The following KCNMA1 variants were observed in gnomAD, a reference collection of about 807,000 sequenced individuals.
The protein encoded by KCNMA1 is Calcium-activated potassium channel subunit alpha-1.
A neutral mutation model predicts 140.0 loss-of-function variants in KCNMA1; 29 were observed. The observed-to-expected ratio is 0.21, with a 90% CI of 0.15 to 0.28. KCNMA1 has a LOEUF of 0.28. Among genes scored for constraint, KCNMA1 ranks in the 10% least tolerant of loss-of-function variants. KCNMA1 has a pLI of 1.00. For synonymous variants in KCNMA1, 612 were observed against 611.9 expected, an observed-to-expected ratio of 1.00 and a Z score of 0.00; for missense variants, 880 against 1,602.2, an observed-to-expected ratio of 0.55 and a Z score of 7.70.
chr10:77,614,866 C>A (rs1036129693), intron 1 of KCNMA1, among the ~76,000 whole-genome samples: 4 of 152,202 alleles, frequency 2.6e-5, no homozygotes, highest in African/African-American at 9.6e-5. Context: ...CTCTTCATAA[C>A]CTGGCCCAGG....
rs144635907 is a variant in KCNMA1, at chr10:77,027,467, C to T, written c.1928+356G>A. Among the ~76,000 whole-genome samples the T allele has an allele frequency of 3.6e-3, 547 of 152,264 alleles. 14 individuals carry two copies. Among genetic ancestry groups the T allele is most frequent in the East Asian group, 0.026 (136 of 5,158 alleles). On this transcript the variant is annotated intron_variant, in intron 16 of 27. Coordinates refer to ENST00000286628, the MANE Select transcript of KCNMA1 (RefSeq NM_001161352.2). ...GGCTGCTGTAAAGGAGGCCAGAGTC[C>T]ACCTGCTTTTTTGCTCACAGCAGTA...
intron 25 of KCNMA1, among the ~76,000 whole-genome samples, 163 bp from the exon 26 acceptor site, chr10:76,891,882 A>G (rs1367430888): frequency 6.6e-6 from 1 of 152,134 alleles, no homozygotes; most frequent in Non-Finnish European, 1.5e-5. Context: ...GCAGCCTCCA[A>G]TTATTCCGTT....
At chr10:76,884,662 C>T (rs1004974621), downstream of KCNMA1, 4 of 241,826 alleles carry the variant, frequency 1.7e-5, no homozygotes, top group African/African-American at 9.0e-5. Flanking sequence ...AATTACCCAA[C>T]CCCACACCCA....
At chr10:77,393,720 C>T (rs939530647) in intron 2 of KCNMA1, among the ~76,000 whole-genome samples, 5 of 152,234 alleles carry the variant, frequency 3.3e-5, no homozygotes, top group African/African-American at 1.2e-4. Context: ...ATGGGCTCCA[C>T]CCATCCTCCT....
At chr10:77,132,522 AT>A (rs34605286) in intron 5 of KCNMA1, among the ~76,000 whole-genome samples, 4,227 of 138,346 alleles carry the variant, frequency 0.031, 148 homozygotes, top group East Asian at 0.14. Flanking sequence ...AGCAGGTTAA[AT>A]TTTTTTTTTT....
chr10:77,103,242 A>G (rs1262988186), intron 9 of KCNMA1, among the ~76,000 whole-genome samples: 2 of 152,244 alleles, frequency 1.3e-5, no homozygotes, highest in African/African-American at 4.8e-5. Context: ...ATCTCTCTGA[A>G]TGTAAGGCTC....
chr10:77,457,676 C>T (rs1448766145), intron 1 of KCNMA1, among the ~76,000 whole-genome samples: 2 of 152,070 alleles, frequency 1.3e-5, no homozygotes, highest in Admixed American at 1.3e-4. Flanking sequence ...TTGGCATGAA[C>T]TCTGGGTTTC....
At chr10:76,869,976 C>G (rs1225368582) in exon 28 of KCNMA1, 1 of 152,554 alleles carries the variant, frequency 6.6e-6, no homozygotes, top group Non-Finnish European at 1.5e-5. Context: ...TTTTCAACAT[C>G]TGGGTGGTGG....
intron 1 of KCNMA1, among the ~76,000 whole-genome samples, chr10:77,550,530 A>G (rs976878733): frequency 6.6e-6 from 1 of 152,164 alleles, no homozygotes; most frequent in African/African-American, 2.4e-5. Context: ...TGCCTGTCTC[A>G]GCTTTGTGAT....
intron 23 of KCNMA1, among the ~76,000 whole-genome samples, chr10:76,918,187 A>G (rs1052803179): frequency 1.3e-5 from 2 of 152,206 alleles, no homozygotes; most frequent in Admixed American, 6.5e-5. Flanking sequence ...CCAGAGATCT[A>G]CAGCTAGAGA....
At chr10:77,426,742 A>G (rs2097006914) in intron 1 of KCNMA1, among the ~76,000 whole-genome samples, 1 of 152,204 alleles carries the variant, frequency 6.6e-6, no homozygotes, top group South Asian at 2.1e-4. Context: ...ACTTGCCAGG[A>G]CTTGCTGTGC....
intron 14 of KCNMA1, chr10:77,063,967 G>A (rs1434733549): frequency 6.1e-6 from 6 of 985,264 alleles, no homozygotes; most frequent in Middle Eastern, 5.2e-4. Context: ...GAAGGGCCAG[G>A]GTGAGTGTCA....
At chr10:77,339,112 C>A (rs1002952410) in intron 2 of KCNMA1, among the ~76,000 whole-genome samples, 16 of 151,250 alleles carry the variant, frequency 1.1e-4, no homozygotes, top group African/African-American at 3.7e-4. Flanking sequence ...GTATTAAAAT[C>A]TCATGGGGAG....
chr10:77,546,851 T>G (rs959218874), intron 1 of KCNMA1, among the ~76,000 whole-genome samples: 20 of 152,316 alleles, frequency 1.3e-4, no homozygotes, highest in African/African-American at 3.8e-4. Context: ...CTAGGCTACC[T>G]ACTATGTGTC....
At chr10:77,581,101 G>A (rs1374860440) in intron 1 of KCNMA1, among the ~76,000 whole-genome samples, 3 of 152,072 alleles carry the variant, frequency 2.0e-5, no homozygotes, top group African/African-American at 7.2e-5. Flanking sequence ...TTCGCATTCT[G>A]CACAGGACCC....
At chr10:77,277,680 G>A (rs376942284) in intron 2 of KCNMA1, among the ~76,000 whole-genome samples, 2 of 152,150 alleles carry the variant, frequency 1.3e-5, no homozygotes, top group Admixed American at 6.5e-5. Context: ...CATCAAAGTC[G>A]ATGCAACAGA....
chr10:77,577,238 G>A (rs766191965), intron 1 of KCNMA1, among the ~76,000 whole-genome samples: 15 of 151,646 alleles, frequency 9.9e-5, no homozygotes, highest in Admixed American at 3.9e-4. Context: ...TAGTAGAGAC[G>A]GGGGTTTCAC....
At chr10:76,920,020 G>GTGTGTGTGTGTGTGTATATA (rs1177257916) in intron 23 of KCNMA1, among the ~76,000 whole-genome samples, 17 of 34,420 alleles carry the variant, frequency 4.9e-4, no homozygotes, top group African/African-American at 1.7e-3. Flanking sequence ...GTGTGTGTGT[G>GTGTGTGTGTGTGTGTATATA]TATATATATA....
intron 2 of KCNMA1, among the ~76,000 whole-genome samples, chr10:77,263,272 C>A (rs16934419): frequency 0.14 from 20,778 of 152,124 alleles, 1,684 homozygotes; most frequent in South Asian, 0.22. Flanking sequence ...ATGTGTGTCC[C>A]GCCTTTCCCT....
Sources: gnomAD v4.1 joint callset for allele counts (sites outside exome capture counted in the v4.1 genomes callset) on GRCh38, gnomAD v4.1.1 for gene constraint, MANE v1.5 for transcripts, NCBI Gene and HGNC (gene_info 2026-07-23, HGNC 2026-07-21) for gene names.